The following FRMD6 variants were observed in gnomAD, a reference collection of about 807,000 sequenced individuals.
The protein encoded by FRMD6 is FERM domain containing 6.
Under a neutral mutation model 73.2 loss-of-function variants are expected in FRMD6, and 37 were observed. The observed-to-expected ratio is 0.51, with a 90% CI of 0.39 to 0.66. The LOEUF (loss-of-function observed/expected upper bound fraction) is 0.66. Among genes scored for constraint, FRMD6 ranks in the 30% least tolerant of loss-of-function variants. The pLI, the probability that FRMD6 is intolerant of heterozygous loss-of-function variation, is 0.00. For missense variants in FRMD6, 714 were observed against 780.5 expected (o/e 0.91, Z 1.02); for synonymous variants, 273 against 282.2 (o/e 0.97, Z 0.33).
rs201768939 is a variant in FRMD6 at position 51,696,542 on chromosome 14, G to C, written c.100-1600G>C. Among the ~76,000 whole-genome samples the C allele has an allele frequency of 6.6e-5, 10 of 151,950 alleles. No individual in the cohort carries two copies. In the East Asian group the frequency reaches 1.7e-3, roughly 26 times the overall value. On this transcript the variant is annotated intron_variant, in intron 2 of 13. Transcript: ENST00000344768. ...TCCAAATTAATATGGCTTTGTGATT[G>C]AAGTATACTAAGACTCAGAAAAGGA...
chr14:51,482,456 T>C, the FRMD6 span, among the ~76,000 whole-genome samples: 1 of 152,180 alleles, frequency 6.6e-6, no homozygotes, highest in Admixed American at 6.5e-5. Flanking sequence ...GAAGAAGTGC[T>C]CCATGGGTGT....
At chr14:51,439,987 G>A in the FRMD6 span, among the ~76,000 whole-genome samples, 5 of 151,914 alleles carry the variant, frequency 3.3e-5, no homozygotes, top group South Asian at 2.1e-4. Flanking sequence ...CTAAAATTTC[G>A]GATCCACCCT....
At chr14:51,542,061 C>T (rs1886230153) in intron 1 of FRMD6, among the ~76,000 whole-genome samples, 1 of 152,032 alleles carries the variant, frequency 6.6e-6, no homozygotes, top group African/African-American at 2.4e-5. Context: ...AAACTACACG[C>T]TCCTAGGCCC....
rs1898116251 is a variant in FRMD6, at chr14:51,728,690, T to G, written c.*661T>G. 1 of 152,724 alleles carries G rather than the reference T, an allele frequency of 6.5e-6. No homozygotes were observed. 9.5% of individuals were successfully genotyped at this position (152,724 alleles called of 1,614,324 possible). ...TCCCGCTCAGTGCCATGTCCTCTTT[T>G]GTGATCTTCCAGAAAGCTCCAGGAT... On this transcript the variant is annotated 3_prime_UTR_variant, in exon 14 of 14. Transcript: ENST00000344768.
Position 51,702,598 on chromosome 14 carries a change from C to T in FRMD6, c.371+10C>T, listed in dbSNP as rs766260165. 1.9e-6 allele frequency: 3 copies of T among 1,605,276 alleles called. No individual in the cohort carries two copies. The highest frequency in any genetic ancestry group is 4.5e-5 in the East Asian group (2 of 44,808). On this transcript the variant is annotated intron_variant, in intron 5 of 13. Transcript: ENST00000344768. ...ATGGCAGATTGATCAGGTAAGAGGA[C>T]AGGGGGTGATTCTAAACGCTTTTTT...
chr14:51,417,337 G>A, the FRMD6 span, among the ~76,000 whole-genome samples: 12 of 152,150 alleles, frequency 7.9e-5, no homozygotes, highest in African/African-American at 2.7e-4. Flanking sequence ...GCTCTTTTAG[G>A]GCAGGCGTGG....
the FRMD6 span, among the ~76,000 whole-genome samples, chr14:51,459,705 T>C: frequency 6.6e-6 from 1 of 151,070 alleles, no homozygotes; most frequent in Non-Finnish European, 1.5e-5. Flanking sequence ...CGGGTGCCTG[T>C]AGTCCCAGCT....
intron 2 of FRMD6, among the ~76,000 whole-genome samples, chr14:51,605,025 C>T (rs963085723): frequency 4.6e-5 from 7 of 152,110 alleles, no homozygotes; most frequent in African/African-American, 1.7e-4. Context: ...AGAAACCAAC[C>T]AAAACAACAC....
chr14:51,520,287 A>T (rs1884874100), intron 1 of FRMD6, among the ~76,000 whole-genome samples: 1 of 152,208 alleles, frequency 6.6e-6, no homozygotes, highest in African/African-American at 2.4e-5. Context: ...ATCATTATAC[A>T]TGGCTAAAAT....
At chr14:51,575,691 T>C (rs550104385) in intron 2 of FRMD6, 70 of 152,380 alleles carry the variant, frequency 4.6e-4, no homozygotes, top group African/African-American at 1.6e-3. Flanking sequence ...TTCAGCTGCC[T>C]ACGCTGCAGT....
At chr14:51,478,916 A>G in the FRMD6 span, among the ~76,000 whole-genome samples, 13 of 151,994 alleles carry the variant, frequency 8.6e-5, no homozygotes, top group Non-Finnish European at 1.6e-4. Flanking sequence ...TTGTCAAAAG[A>G]AAAAAAATGT....
chr14:51,689,910 A>T lies in FRMD6; in HGVS notation c.74A>T (p.Asp25Val), dbSNP rs778721793. The T allele has an allele frequency of 6.2e-7, 1 of 1,610,292 alleles. No homozygotes were observed. Among genetic ancestry groups the T allele is most frequent in the South Asian group, 1.1e-5 (1 of 91,022 alleles). Residue 25 changes from aspartate (D) to valine (V), a missense_variant, in exon 2 of 14, where the codon GAT (aspartate) becomes GTT (valine). Physicochemically the swap from Asp to Val is radical, Grantham distance 152. Transcript: ENST00000344768. ...RRSVCIFLPN[D>V]ESLNIIINVK... ...AGTGTGTGCATTTTCCTTCCCAACG[A>T]TGAATCTCTGAACATCATCATAAAT... is the stretch of plus-strand genomic sequence containing the variant.
chr14:51,657,822 A>G (rs1217345449), intron 1 of FRMD6, among the ~76,000 whole-genome samples: 1 of 152,148 alleles, frequency 6.6e-6, no homozygotes, highest in East Asian at 1.9e-4. Context: ...GGAATATACC[A>G]ACTAGATATC....
chr14:51,424,535 C>A, the FRMD6 span, among the ~76,000 whole-genome samples: 1 of 152,164 alleles, frequency 6.6e-6, no homozygotes, highest in African/African-American at 2.4e-5. Context: ...TAAATACAAC[C>A]ATTTTTGTTA....
intron 1 of FRMD6, among the ~76,000 whole-genome samples, chr14:51,664,425 C>G (rs1026813552): frequency 1.3e-5 from 2 of 152,198 alleles, no homozygotes; most frequent in Admixed American, 6.5e-5. Context: ...CAAAATGAAT[C>G]AACAGGTGTC....
At chr14:51,424,476 C>G in the FRMD6 span, among the ~76,000 whole-genome samples, 1 of 152,226 alleles carries the variant, frequency 6.6e-6, no homozygotes, top group African/African-American at 2.4e-5. Context: ...GCTACAGAGA[C>G]TACAGAAATT....
chr14:51,419,177 G>A, the FRMD6 span, among the ~76,000 whole-genome samples: 2 of 152,180 alleles, frequency 1.3e-5, no homozygotes, highest in Admixed American at 1.3e-4. Flanking sequence ...CACCCTCTGT[G>A]GGCTGTGCCC....
chr14:51,452,714 A>G, the FRMD6 span, among the ~76,000 whole-genome samples: 4 of 152,242 alleles, frequency 2.6e-5, no homozygotes, highest in Non-Finnish European at 5.9e-5. Context: ...GGAAACTTCC[A>G]TGTTTAAGGA....
chr14:51,525,045 G>GATGGAGAGAA (rs1885157338), intron 1 of FRMD6, among the ~76,000 whole-genome samples: 1 of 139,298 alleles, frequency 7.2e-6, no homozygotes, highest in Non-Finnish European at 1.5e-5. Flanking sequence ...GAGAAAGAGA[G>GATGGAGAGAA]AGAGAGAGAG....
Sources: allele counts gnomAD v4.1 joint callset (sites outside exome capture counted in the v4.1 genomes callset), GRCh38; gene constraint gnomAD v4.1.1; transcripts MANE v1.5; gene names NCBI Gene and HGNC (gene_info 2026-07-23, HGNC 2026-07-21).